Variants in CSGALNACT1 observed in about 807,000 individuals in gnomAD.
The protein encoded by CSGALNACT1 is beta4GalNAcT-1.
Under a neutral mutation model 51.0 loss-of-function variants are expected in CSGALNACT1, and 52 were observed. That is an observed-to-expected ratio of 1.02 (90% CI 0.82 to 1.29). The LOEUF (loss-of-function observed/expected upper bound fraction) is 1.29. Among genes scored for constraint, CSGALNACT1 ranks in the 50% most tolerant of loss-of-function variants. The pLI, the probability that CSGALNACT1 is intolerant of heterozygous loss-of-function variation, is 0.00. For missense variants in CSGALNACT1, 935 were observed against 679.2 expected (o/e 1.38, Z -4.19); for synonymous variants, 341 against 254.4 (o/e 1.34, Z -3.24).
intron 6 of CSGALNACT1, among the ~76,000 whole-genome samples, chr8:19,430,427 C>T (rs1014716810): frequency 6.6e-6 from 1 of 152,198 alleles, no homozygotes; most frequent in Non-Finnish European, 1.5e-5. Context: ...GTTCTCTGCA[C>T]ATGAATATCC....
chr8:19,523,554 G>A (rs2081126588), intron 3 of CSGALNACT1, among the ~76,000 whole-genome samples: 1 of 152,158 alleles, frequency 6.6e-6, no homozygotes, highest in Admixed American at 6.5e-5. Context: ...ACAGGCAGGA[G>A]CCACCACGCC....
At chr8:19,542,610 G>A (rs1413445877) in intron 3 of CSGALNACT1, among the ~76,000 whole-genome samples, 2 of 152,122 alleles carry the variant, frequency 1.3e-5, no homozygotes, top group Non-Finnish European at 2.9e-5. Context: ...CTATGGGGGA[G>A]TTTTAAGAAT....
chr8:19,538,060 C>A (rs1012617264), intron 3 of CSGALNACT1, among the ~76,000 whole-genome samples: 4 of 152,132 alleles, frequency 2.6e-5, no homozygotes, highest in African/African-American at 2.4e-5. Flanking sequence ...GCTCATACCT[C>A]TAATCCCAGT....
At chr8:19,545,746 T>A (rs748426465) in intron 3 of CSGALNACT1, among the ~76,000 whole-genome samples, 1 of 150,872 alleles carries the variant, frequency 6.6e-6, no homozygotes, top group Non-Finnish European at 1.5e-5. Context: ...ATGACGTTAA[T>A]GAGACCTGCT....
At chr8:19,433,147 C>G (rs1034937799) in intron 6 of CSGALNACT1, among the ~76,000 whole-genome samples, 13 of 152,150 alleles carry the variant, frequency 8.5e-5, no homozygotes, top group Non-Finnish European at 1.9e-4. Context: ...TATTGTGCGA[C>G]CACTTAATGG....
chr8:19,697,850 G>C (rs897493330), intron 1 of CSGALNACT1, among the ~76,000 whole-genome samples: 4 of 152,188 alleles, frequency 2.6e-5, no homozygotes, highest in South Asian at 2.1e-4. Context: ...CCCACCCAGA[G>C]AGGGTAACGT....
At chr8:19,569,276 C>A (rs565323423) in intron 3 of CSGALNACT1, among the ~76,000 whole-genome samples, 9 of 152,260 alleles carry the variant, frequency 5.9e-5, no homozygotes, top group African/African-American at 2.2e-4. Context: ...CTGGATCCTG[C>A]TGTTAAGATA....
At chr8:19,545,989 G>C (rs968477194) in intron 3 of CSGALNACT1, among the ~76,000 whole-genome samples, 1 of 151,816 alleles carries the variant, frequency 6.6e-6, no homozygotes, top group Non-Finnish European at 1.5e-5. Context: ...TATAGTGTGT[G>C]ATTCCTCCAC....
chr8:19,439,826 TC>T lies in CSGALNACT1; in HGVS notation c.953+3del. ...TCCTTATGACAGCTCCGTATTGTACTCACTTGGAAGTGTTTTCAAGTATTCC... is the reference window on the plus strand; with the variant it reads ...TCCTTATGACAGCTCCGTATTGTACTACTTGGAAGTGTTTTCAAGTATTCC... On this transcript the variant is annotated splice_donor_region_variant and intron_variant, in intron 6 of 9. Transcript: ENST00000454498. 1 of 1,605,732 alleles carries T rather than the reference TC, an allele frequency of 6.2e-7. No homozygotes were observed. The highest frequency in any genetic ancestry group is 8.5e-7 in the Non-Finnish European group (1 of 1,172,372).
At chr8:19,651,117 G>A (rs1414534897) in intron 1 of CSGALNACT1, among the ~76,000 whole-genome samples, 1 of 152,134 alleles carries the variant, frequency 6.6e-6, no homozygotes, top group Admixed American at 6.5e-5. Flanking sequence ...CAGATGGTGG[G>A]CAGTTCAGGT....
chr8:19,742,677 C>G (rs1259170689), intron 1 of CSGALNACT1, among the ~76,000 whole-genome samples: 2 of 152,224 alleles, frequency 1.3e-5, no homozygotes, highest in African/African-American at 4.8e-5. Context: ...TCACCCTAGA[C>G]AGATGCAGAT....
At chr8:19,489,537 C>T (rs1412063395) in intron 4 of CSGALNACT1, among the ~76,000 whole-genome samples, 3 of 152,154 alleles carry the variant, frequency 2.0e-5, no homozygotes, top group South Asian at 2.1e-4. Flanking sequence ...ATTCAACAAA[C>T]ATTTAATCAA....
intron 1 of CSGALNACT1, among the ~76,000 whole-genome samples, chr8:19,711,148 G>GAT (rs1282203881): frequency 2.6e-5 from 4 of 151,980 alleles, no homozygotes; most frequent in Admixed American, 6.6e-5. Context: ...GTCTTTAAAG[G>GAT]ATAATTCATA....
intron 1 of CSGALNACT1, among the ~76,000 whole-genome samples, chr8:19,700,715 T>C (rs574799387): frequency 1.7e-4 from 26 of 152,284 alleles, no homozygotes; most frequent in African/African-American, 5.8e-4. Flanking sequence ...TCTTAACATA[T>C]GCTAAAAATG....
At chr8:19,582,194 T>C (rs954865713) in intron 3 of CSGALNACT1, among the ~76,000 whole-genome samples, 2 of 152,228 alleles carry the variant, frequency 1.3e-5, no homozygotes, top group African/African-American at 4.8e-5. Flanking sequence ...TATTCCTCCA[T>C]TCACTGGGAT....
chr8:19,435,134 G>C (rs2060184932), intron 6 of CSGALNACT1, among the ~76,000 whole-genome samples: 1 of 152,136 alleles, frequency 6.6e-6, no homozygotes, highest in African/African-American at 2.4e-5. Flanking sequence ...GGGCAAAGAT[G>C]AACTTGTAAT....
chr8:19,516,902 T>A (rs76780090), intron 3 of CSGALNACT1, among the ~76,000 whole-genome samples: 1,955 of 152,318 alleles, frequency 0.013, 43 homozygotes, highest in African/African-American at 0.044. Context: ...CCTTTGCTCC[T>A]GGAGTTTCCA....
chr8:19,723,590 G>A (rs1291586006), intron 1 of CSGALNACT1, among the ~76,000 whole-genome samples: 1 of 152,196 alleles, frequency 6.6e-6, no homozygotes, highest in Non-Finnish European at 1.5e-5. Context: ...ATAAGATGAA[G>A]GCATGAAGAG....
chr8:19,534,126 T>C (rs1383446367), intron 3 of CSGALNACT1, among the ~76,000 whole-genome samples: 1 of 152,158 alleles, frequency 6.6e-6, no homozygotes, highest in African/African-American at 2.4e-5. Context: ...GAATACTTGA[T>C]GTTAGCAAGT....
Sources: gnomAD v4.1 joint callset for allele counts (sites outside exome capture counted in the v4.1 genomes callset) on GRCh38, gnomAD v4.1.1 for gene constraint, MANE v1.5 for transcripts, NCBI Gene and HGNC (gene_info 2026-07-23, HGNC 2026-07-21) for gene names.